LRRC15: variants seen among roughly 807,000 people sequenced by gnomAD.
LRRC15 encodes leucine-rich repeat-containing protein 15.
In LRRC15, 5 loss-of-function variants were observed where a neutral mutation model predicts 4.3. The ratio of observed to expected loss-of-function variants is 1.16; its 90% CI spans 0.61 to 2.44. LRRC15 has a LOEUF of 2.44. Ranked by LOEUF, LRRC15 falls within the 30% of genes most tolerant of loss-of-function variation. The pLI is 0.01. For synonymous variants in LRRC15, 337 were observed against 323.2 expected, an observed-to-expected ratio of 1.04 and a Z score of -0.46; for missense variants, 769 against 747.0, an observed-to-expected ratio of 1.03 and a Z score of -0.34.
rs762324904 is a variant in LRRC15 at position 194,360,171 on chromosome 3, G to C, written c.873C>G (p.Pro291=). 7.4e-6 allele frequency: 12 copies of C among 1,613,852 alleles called. No individual in the cohort carries two copies. Among genetic ancestry groups the C allele is most frequent in the South Asian group, 1.1e-5 (1 of 91,068 alleles). ...LKELSPGIFG[P]MPNLRELWLY... Reference sequence around the variant, plus strand: ...GCCAAAGCTCCCGCAGGTTGGGCATGGGCCCGAAGATCCCCGGAGAGAGCT... The same window carrying C: ...GCCAAAGCTCCCGCAGGTTGGGCATCGGCCCGAAGATCCCCGGAGAGAGCT... Residue 291 remains proline, a synonymous_variant, in exon 2 of 2, where the codon CCC becomes CCG. Transcript: ENST00000347624.
chr3:194,360,580 T>C lies in LRRC15; in HGVS notation c.464A>G (p.Gln155Arg). 2 of 1,614,160 alleles carry C rather than the reference T, an allele frequency of 1.2e-6. No individual in the cohort carries two copies. The highest frequency in any genetic ancestry group is 1.7e-6 in the Non-Finnish European group (2 of 1,180,034). ...FSQCSNLKEL[Q>R]LHGNHLEYIP... ...GTATTCCAGGTGGTTGCCGTGCAAC[T>C]GCAGCTCCTTGAGGTTGCTGCACTG... The change falls in exon 2 of 2, where the codon CAG (glutamine) becomes CGG (arginine). Residue 155 changes from glutamine (Q) to arginine (R), a missense_variant. Transcript: ENST00000347624.
At chr3:194,366,333 G>T (rs1327444311) in intron 1 of LRRC15, among the ~76,000 whole-genome samples, 1 of 152,276 alleles carries the variant, frequency 6.6e-6, no homozygotes, top group African/African-American at 2.4e-5. Context: ...TTGGCACAAA[G>T]TGAGGACCCA....
intron 1 of LRRC15, among the ~76,000 whole-genome samples, 153 bp from the exon 2 acceptor site, chr3:194,361,199 C>T (rs1229874190): frequency 6.6e-6 from 1 of 152,268 alleles, no homozygotes; most frequent in East Asian, 1.9e-4. Context: ...GAACAGGAAG[C>T]CTCTGCACCT....
intron 1 of LRRC15, among the ~76,000 whole-genome samples, chr3:194,362,701 A>G (rs1713665468): frequency 6.6e-6 from 1 of 152,156 alleles, no homozygotes; most frequent in Non-Finnish European, 1.5e-5. Context: ...ATCCTGAGTC[A>G]GAGGAAGGAA....
intron 1 of LRRC15, among the ~76,000 whole-genome samples, chr3:194,363,572 C>G (rs1043521625): frequency 6.6e-6 from 1 of 152,130 alleles, no homozygotes; most frequent in African/African-American, 2.4e-5. Flanking sequence ...AAGGAGGCTG[C>G]CCACAAAAGC....
intron 1 of LRRC15, chr3:194,363,527 G>T: frequency 2.2e-6 from 1 of 460,806 alleles, no homozygotes; most frequent in East Asian, 3.7e-5. Flanking sequence ...CACCCTAGGA[G>T]AAGACTTAGG....
At chr3:194,369,224 G>A (rs758961732) in intron 1 of LRRC15, among the ~76,000 whole-genome samples, 34 of 152,274 alleles carry the variant, frequency 2.2e-4, no homozygotes, top group Non-Finnish European at 4.1e-4. Flanking sequence ...ACCAGGGCAA[G>A]TGCCAGGAAA....
At chr3:194,366,672 C>T (rs1174327804) in intron 1 of LRRC15, among the ~76,000 whole-genome samples, 1 of 152,176 alleles carries the variant, frequency 6.6e-6, no homozygotes, top group African/African-American at 2.4e-5. Flanking sequence ...CCTTCCGCAT[C>T]CCCATCAGGA....
At chr3:194,367,115 T>G (rs1440605485) in intron 1 of LRRC15, among the ~76,000 whole-genome samples, 5 of 152,100 alleles carry the variant, frequency 3.3e-5, no homozygotes, top group African/African-American at 1.2e-4. Context: ...GTTCAGGGAT[T>G]TCTTCTTTAA....
intron 1 of LRRC15, among the ~76,000 whole-genome samples, chr3:194,368,719 C>T (rs930956848): frequency 2.4e-4 from 36 of 152,124 alleles, no homozygotes; most frequent in Non-Finnish European, 4.3e-4. Flanking sequence ...GAGAGTGCAG[C>T]TGCACCGAGG....
At position 194,360,017 on chromosome 3, in the gene LRRC15, G is replaced by C; in HGVS notation, c.1027C>G (p.Leu343Val). The change falls in exon 2 of 2, where the codon CTT becomes GTT. Residue 343 changes from leucine (L) to valine (V), a missense_variant. Transcript: ENST00000347624. ...TTGGTGTGGAGGGACAGCTCCCGAA[G>C]CTCCGTTAGCCCGTTGAAGGCACCC... ...SPGAFNGLTE[L>V]RELSLHTNAL... 1 of 1,614,236 alleles carries C rather than the reference G, an allele frequency of 6.2e-7. No homozygotes were observed. The highest frequency in any genetic ancestry group is 8.5e-7 in the Non-Finnish European group (1 of 1,180,040).
rs1445807260 is a variant in LRRC15 at position 194,360,937 on chromosome 3, TG to T, written c.106del (p.Gln36ArgfsTer21). 3 of 1,592,630 alleles carry T rather than the reference TG, an allele frequency of 1.9e-6. No individual in the cohort carries two copies. Among genetic ancestry groups the T allele is most frequent in the Non-Finnish European group, 1.7e-6 (2 of 1,171,190 alleles). On this transcript the variant is annotated frameshift_variant, in exon 2 of 2. Transcript: ENST00000347624. LOFTEE classifies it low-confidence loss of function (END_TRUNC). The part of the protein sequence containing the change: ...PSECTCSRAS[Q>X]VECTGARIVA... ...AATGCGTGCCCCGGTGCACTCCACC[TG>T]GGAGGCCCTGGAGCAGGTACACTCG...
intron 1 of LRRC15, among the ~76,000 whole-genome samples, chr3:194,364,955 C>G (rs1005533607): frequency 1.3e-5 from 2 of 152,220 alleles, no homozygotes; most frequent in Non-Finnish European, 2.9e-5. Context: ...CTTGGATTCT[C>G]AGCATGTGAT....
chr3:194,359,218 A>C lies in LRRC15; in HGVS notation c.*80T>G. 1 of 1,347,448 alleles carries C rather than the reference A, an allele frequency of 7.4e-7. No individual in the cohort carries two copies. The highest frequency in any genetic ancestry group is 1.0e-6 in the Non-Finnish European group (1 of 986,070). The allele number at this position is 1,347,448 out of a possible 1,614,324, so 83.5% of individuals were successfully genotyped here. A position where few individuals can be genotyped will look rare whatever the true frequency, so the allele number is the denominator to read the frequency against. On this transcript the variant is annotated 3_prime_UTR_variant, in exon 2 of 2. Coordinates refer to ENST00000347624, the MANE Select transcript of LRRC15 (RefSeq NM_130830.5). ...GAGCAATCACGGGAAAGCTCCATGG[A>C]CCCAGGGGTGGAGGCAGAAAGATGA...
At chr3:194,367,072 G>A (rs144188182) in intron 1 of LRRC15, among the ~76,000 whole-genome samples, 30 of 152,304 alleles carry the variant, frequency 2.0e-4, no homozygotes, top group African/African-American at 6.7e-4. Context: ...TTCGCCAAGG[G>A]CAAGTGCTTA....
At position 194,357,448 on chromosome 3, in the gene LRRC15, A is replaced by G. The variant is rs1308449349; in HGVS notation, c.*1850T>C. Reference sequence around the variant, plus strand: ...AGTCAGCTGAAGTTCTTTCCTGGGCAGACGTGGAGACCTGAAATTCTCCAT... The same window carrying G: ...AGTCAGCTGAAGTTCTTTCCTGGGCGGACGTGGAGACCTGAAATTCTCCAT... On this transcript the variant is annotated 3_prime_UTR_variant, in exon 2 of 2. Coordinates refer to ENST00000347624, the MANE Select transcript of LRRC15 (RefSeq NM_130830.5). 6.6e-6 allele frequency: 1 copy of G among 152,230 alleles called. No individual in the cohort carries two copies. The highest frequency in any genetic ancestry group is 2.4e-5 in the African/African-American group (1 of 41,452). 9.4% of individuals were successfully genotyped at this position (152,230 alleles called of 1,614,324 possible).
chr3:194,368,321 C>T (rs1362594195), intron 1 of LRRC15, among the ~76,000 whole-genome samples: 2 of 152,166 alleles, frequency 1.3e-5, no homozygotes, highest in Non-Finnish European at 2.9e-5. Context: ...CTCACCACCC[C>T]GCCATTTACT....
Position 194,357,110 on chromosome 3 carries a change from GA to G in LRRC15, c.*2187del, listed in dbSNP as rs1219443038. On this transcript the variant is annotated 3_prime_UTR_variant, in exon 2 of 2. Transcript: ENST00000347624. ...TCCTAGATTCCCTGGGACAGAGGGTGAAAAGCTACAAAGTGCACTAGTGTTT... is the reference window on the plus strand; with the variant it reads ...TCCTAGATTCCCTGGGACAGAGGGTGAAAGCTACAAAGTGCACTAGTGTTT... 3 of 152,278 alleles carry G rather than the reference GA, an allele frequency of 2.0e-5. No homozygotes were observed. Among genetic ancestry groups the G allele is most frequent in the Non-Finnish European group, 2.9e-5 (2 of 68,078 alleles). 9.4% of individuals were successfully genotyped at this position (152,278 alleles called of 1,614,324 possible).
chr3:194,368,517 G>T (rs538760967), intron 1 of LRRC15, among the ~76,000 whole-genome samples: 1 of 152,262 alleles, frequency 6.6e-6, no homozygotes, highest in South Asian at 2.1e-4. Flanking sequence ...ATTTACTCCA[G>T]ATGTTCAGTC....
Sources: gnomAD v4.1 joint callset for allele counts (sites outside exome capture counted in the v4.1 genomes callset) on GRCh38, gnomAD v4.1.1 for gene constraint, MANE v1.5 for transcripts, NCBI Gene and HGNC (gene_info 2026-07-23, HGNC 2026-07-21) for gene names.